VDAC2: variants seen among roughly 807,000 people sequenced by gnomAD.
VDAC2 encodes voltage dependent anion channel 2.
Under a neutral mutation model 36.6 loss-of-function variants are expected in VDAC2, and 6 were observed. That is an observed-to-expected ratio of 0.16 (90% CI 0.09 to 0.32). The LOEUF (loss-of-function observed/expected upper bound fraction) is 0.32, where lower values mean the gene tolerates loss of function less well. Ranked by LOEUF, VDAC2 falls within the 10% of genes least tolerant of loss-of-function variation. The pLI is 1.00. For synonymous variants in VDAC2, 109 were observed against 123.8 expected (o/e 0.88, Z 0.79); for missense variants, 247 against 346.0 (o/e 0.71, Z 2.27).
In VDAC2 at chr10:75,215,356, CT is replaced by C. The variant is rs894316957; in HGVS notation, c.150+1299del. Among the ~76,000 whole-genome samples the C allele has an allele frequency of 1.3e-3, 193 of 143,144 alleles. 1 individual carries two copies. Among genetic ancestry groups the C allele is most frequent in the East Asian group, 2.2e-3 (11 of 4,914 alleles). The allele number at this position is 143,144 out of a possible 152,430, so 93.9% of individuals were successfully genotyped here. A position where few individuals can be genotyped will look rare whatever the true frequency, so the allele number is the denominator to read the frequency against. ...ATGTATATATATAGAGAGAGAGAGA[CT>C]TTTTTTTTTTTTGAGACGGAGTCTT... On this transcript the variant is annotated intron_variant, in intron 4 of 9. Transcript: ENST00000332211.
chr10:75,218,968 A>G, intron 4 of VDAC2, 95 bp from the exon 5 acceptor site: 1 of 1,313,070 alleles, frequency 7.6e-7, no homozygotes. Context: ...AATTTACCAA[A>G]TGTTTCAGGG....
At chr10:75,229,159 A>G (rs2132285220) in intron 8 of VDAC2, among the ~76,000 whole-genome samples, 1 of 147,600 alleles carries the variant, frequency 6.8e-6, no homozygotes, top group African/African-American at 2.5e-5. Flanking sequence ...TGTCGTTTGG[A>G]GATTTTTTTT....
chr10:75,220,649 G>A, intron 6 of VDAC2, 94 bp from the exon 7 acceptor site: 1 of 1,046,414 alleles, frequency 9.6e-7, no homozygotes, highest in Middle Eastern at 2.1e-4. Flanking sequence ...TTACTCCCTG[G>A]TCATACTGCA....
chr10:75,220,682 C>A (rs1841785376), intron 6 of VDAC2, 61 bp from the exon 7 acceptor site: 4 of 1,420,552 alleles, frequency 2.8e-6, no homozygotes, highest in South Asian at 2.6e-5. Flanking sequence ...CTGTTTTGTG[C>A]TCTCTTGTGC....
intron 1 of VDAC2, 82 bp from the exon 2 acceptor site, chr10:75,211,052 C>G: frequency 1.5e-6 from 2 of 1,331,970 alleles, no homozygotes; most frequent in Non-Finnish European, 2.0e-6. Flanking sequence ...CGCGCTGCCC[C>G]GCGGCCCCTC....
chr10:75,211,323 T>A, intron 2 of VDAC2, 134 bp downstream of exon 2: 2 of 1,414,358 alleles, frequency 1.4e-6, no homozygotes, highest in Non-Finnish European at 1.9e-6. Context: ...CCCCACCGTC[T>A]GACCACCTCC....
chr10:75,215,734 T>G (rs567976610), intron 4 of VDAC2, among the ~76,000 whole-genome samples: 1 of 147,508 alleles, frequency 6.8e-6, no homozygotes, highest in African/African-American at 2.5e-5. Flanking sequence ...TTTTTTTTTT[T>G]CCTCTGAGAC....
chr10:75,227,548 G>T (rs1392606086), intron 8 of VDAC2, among the ~76,000 whole-genome samples: 1 of 145,882 alleles, frequency 6.9e-6, no homozygotes, highest in Non-Finnish European at 1.5e-5. Context: ...ACAGTTTCAT[G>T]GTTTAACTCT....
rs775021999 is a variant in VDAC2, at chr10:75,214,067, C to T, written c.147C>T (p.Gly49=). 3.7e-6 allele frequency: 6 copies of T among 1,612,588 alleles called. No homozygotes were observed. The highest frequency in any genetic ancestry group is 2.2e-5 in the South Asian group (2 of 91,008). Residue 49 remains glycine (G), a synonymous_variant, in exon 4 of 10, where the codon GGC becomes GGT. Transcript: ENST00000332211. ...ATGTGAAAACAAAGTCTTGCAGTGGCGTGGTGAGTGTTACTGTTGAATAAG... is the reference window on the plus strand; with the variant it reads ...ATGTGAAAACAAAGTCTTGCAGTGGTGTGGTGAGTGTTACTGTTGAATAAG... The part of the protein sequence containing the change: ...KLDVKTKSCS[G]VEFSTSGSSN...
In VDAC2 at chr10:75,220,730, G is replaced by T. The variant is rs992354369; in HGVS notation, c.357-13G>T. On this transcript the variant is annotated splice_polypyrimidine_tract_variant and intron_variant, in intron 6 of 9. Transcript: ENST00000332211. ...AAATTTTTCCCAATGACATCAGTTTGTTCTTTTTCCAGAAAGAAAAGTGGT... is the reference window on the plus strand; with the variant it reads ...AAATTTTTCCCAATGACATCAGTTTTTTCTTTTTCCAGAAAGAAAAGTGGT... The T allele has an allele frequency of 1.9e-6, 3 of 1,603,508 alleles. No homozygotes were observed. Among genetic ancestry groups the T allele is most frequent in the Admixed American group, 1.7e-5 (1 of 59,240 alleles).
rs762524514 is a variant in VDAC2 at position 75,230,859 on chromosome 10, A to G, written c.794-39A>G. The G allele has an allele frequency of 5.1e-6, 8 of 1,571,566 alleles. No individual in the cohort carries two copies. The South Asian group carries it at 9.0e-5, about 18-fold the overall frequency. On this transcript the variant is annotated intron_variant, in intron 9 of 9. Transcript: ENST00000332211. The stretch of plus-strand genomic sequence containing the variant: ...CCAGACTGAGTGACGTGCCAGGTAC[A>G]TCACGGTTTTTTGTTTTTGTGTTTT...
At chr10:75,226,522 T>C (rs955299113) in intron 8 of VDAC2, among the ~76,000 whole-genome samples, 2 of 142,858 alleles carry the variant, frequency 1.4e-5, no homozygotes, top group Non-Finnish European at 3.0e-5. Flanking sequence ...AGTGGCACCA[T>C]CTCTGCTCAC....
chr10:75,220,887 C>T lies in VDAC2; in HGVS notation c.501C>T (p.Thr167=). 6.2e-7 allele frequency: 1 copy of T among 1,613,800 alleles called. No individual in the cohort carries two copies. Among genetic ancestry groups the T allele is most frequent in the South Asian group, 1.1e-5 (1 of 91,066 alleles). ...YEGWLAGYQM[T]FDSAKSKLTR... is the part of the protein sequence containing the mutation. ...GCTGGCTTGCTGGCTACCAGATGAC[C>T]TTTGACAGTGCCAAATCAAAGCTGA... The change falls in exon 7 of 10, where the codon ACC becomes ACT. Residue 167 remains threonine, a synonymous_variant. Coordinates refer to ENST00000332211, the MANE Select transcript of VDAC2 (RefSeq NM_001391963.1).
At chr10:75,218,677 A>G (rs1841687116) in intron 4 of VDAC2, among the ~76,000 whole-genome samples, 1 of 151,724 alleles carries the variant, frequency 6.6e-6, no homozygotes, top group Admixed American at 6.6e-5. Context: ...CAGGAGAATC[A>G]CTTGAACCTG....
chr10:75,221,934 G>A (rs1210393833), intron 7 of VDAC2, among the ~76,000 whole-genome samples: 1 of 152,186 alleles, frequency 6.6e-6, no homozygotes, highest in Non-Finnish European at 1.5e-5. Context: ...TGTTAATGTT[G>A]TGGTTCACCT....
intron 9 of VDAC2, among the ~76,000 whole-genome samples, chr10:75,230,398 G>A (rs141157006): frequency 1.3e-5 from 2 of 152,262 alleles, no homozygotes; most frequent in Non-Finnish European, 2.9e-5. Context: ...TTAAAAAAAT[G>A]TATGTTTTGC....
intron 4 of VDAC2, among the ~76,000 whole-genome samples, chr10:75,215,332 T>C (rs918113481): frequency 6.6e-6 from 1 of 152,042 alleles, no homozygotes; most frequent in East Asian, 1.9e-4. Flanking sequence ...TATGTATGTA[T>C]GTATATATAT....
chr10:75,216,178 C>A (rs1476760358), intron 4 of VDAC2, among the ~76,000 whole-genome samples: 1 of 152,092 alleles, frequency 6.6e-6, no homozygotes, highest in South Asian at 2.1e-4. Context: ...TTAATGTTCC[C>A]ATTGTTAGTC....
At chr10:75,214,456 T>C (rs566707236) in intron 4 of VDAC2, among the ~76,000 whole-genome samples, 25 of 152,340 alleles carry the variant, frequency 1.6e-4, no homozygotes, top group African/African-American at 5.5e-4. Flanking sequence ...ATTTATATAA[T>C]GTCCATTTTC....
Sources: allele counts gnomAD v4.1 joint callset (sites outside exome capture counted in the v4.1 genomes callset), GRCh38; gene constraint gnomAD v4.1.1; transcripts MANE v1.5; gene names NCBI Gene and HGNC (gene_info 2026-07-23, HGNC 2026-07-21).